CORIN: variants seen among roughly 807,000 people sequenced by gnomAD.
CORIN encodes the protein corin, serine peptidase, also known as atrial natriuretic peptide-converting enzyme.
In CORIN, 117 loss-of-function variants were observed where a neutral mutation model predicts 125.3. That is an observed-to-expected ratio of 0.93 (90% CI 0.80 to 1.09). The LOEUF (loss-of-function observed/expected upper bound fraction) is 1.09. Ranked by LOEUF, CORIN falls within the 50% of genes least tolerant of loss-of-function variation. CORIN has a pLI of 0.00. For synonymous variants in CORIN, 450 were observed against 466.4 expected (o/e 0.96, Z 0.45); for missense variants, 1,253 against 1,306.7 (o/e 0.96, Z 0.63).
chr4:47,602,373 T>C (rs564113975), intron 20 of CORIN, among the ~76,000 whole-genome samples: 110 of 152,338 alleles, frequency 7.2e-4, no homozygotes, highest in African/African-American at 2.6e-3. Flanking sequence ...AGAGTACACA[T>C]TTTAAATTTC....
At chr4:47,688,480 T>C (rs968019700) in intron 6 of CORIN, among the ~76,000 whole-genome samples, 3 of 152,080 alleles carry the variant, frequency 2.0e-5, no homozygotes, top group African/African-American at 7.2e-5. Flanking sequence ...CTCACGCCTG[T>C]AGTTCCAGTT....
chr4:47,828,225 G>C (rs1015707762), intron 1 of CORIN, among the ~76,000 whole-genome samples: 1 of 152,122 alleles, frequency 6.6e-6, no homozygotes, highest in African/African-American at 2.4e-5. Context: ...TGAGTGATAA[G>C]AGTGATAAGA....
At chr4:47,757,232 T>C (rs979248261) in intron 4 of CORIN, among the ~76,000 whole-genome samples, 1 of 152,134 alleles carries the variant, frequency 6.6e-6, no homozygotes, top group Non-Finnish European at 1.5e-5. Flanking sequence ...AGCTTGCAGA[T>C]CCCACACATA....
At chr4:47,779,773 G>A (rs1321727759) in intron 3 of CORIN, among the ~76,000 whole-genome samples, 1 of 152,112 alleles carries the variant, frequency 6.6e-6, no homozygotes, top group Admixed American at 6.6e-5. Flanking sequence ...TAAAGCTAAT[G>A]AAAACATCTC....
chr4:47,646,266 A>G (rs1355675951), intron 13 of CORIN, among the ~76,000 whole-genome samples: 1 of 152,216 alleles, frequency 6.6e-6, no homozygotes, highest in Non-Finnish European at 1.5e-5. Context: ...TCTACAAATC[A>G]GGAGGCCATC....
intron 4 of CORIN, among the ~76,000 whole-genome samples, chr4:47,747,413 A>C (rs1218246619): frequency 6.6e-6 from 1 of 152,178 alleles, no homozygotes; most frequent in Non-Finnish European, 1.5e-5. Context: ...GAAGATGAGA[A>C]AGATGTCTGC....
chr4:47,661,731 A>G lies in CORIN; in HGVS notation c.1715T>C (p.Met572Thr), dbSNP rs774624780. Residue 572 changes from methionine to threonine, a missense_variant, in exon 12 of 22, where the codon ATG (methionine) becomes ACG (threonine). By Grantham distance (81) the Met-to-Thr change is moderately conservative. Transcript: ENST00000273857. ...TTAACCTTCCACATATTCATCAGGC[A>G]TCAGGCAGGTTTGATTGTCTGAATT... is the stretch of plus-strand genomic sequence containing the variant. Reference protein sequence around the residue: ...EENSDNQTCLMPDEYVEECSP... With the variant: ...EENSDNQTCLTPDEYVEECSP... 21 of 1,612,766 alleles carry G rather than the reference A, an allele frequency of 1.3e-5. No individual in the cohort carries two copies. Among genetic ancestry groups the G allele is most frequent in the Non-Finnish European group, 1.6e-5 (19 of 1,179,234 alleles).
intron 19 of CORIN, among the ~76,000 whole-genome samples, chr4:47,623,117 T>TATATATATATATACACAC (rs141525347): frequency 1.8e-3 from 248 of 134,292 alleles, no homozygotes; most frequent in East Asian, 0.018. Flanking sequence ...TATATATATA[T>TATATATATATATACACAC]ACACACACAC....
chr4:47,788,701 TAAAG>T (rs908104926), intron 2 of CORIN, among the ~76,000 whole-genome samples: 1 of 152,228 alleles, frequency 6.6e-6, no homozygotes, highest in South Asian at 2.1e-4. Context: ...ATTTTTGGCA[TAAAG>T]AGATTTTTTC....
At chr4:47,748,813 AC>A (rs1337169192) in intron 4 of CORIN, among the ~76,000 whole-genome samples, 1 of 152,140 alleles carries the variant, frequency 6.6e-6, no homozygotes, top group Non-Finnish European at 1.5e-5. Context: ...TTTTCTCTTA[AC>A]TTTTGATTTT....
intron 5 of CORIN, among the ~76,000 whole-genome samples, chr4:47,744,081 C>T (rs1258578115): frequency 6.6e-6 from 1 of 152,162 alleles, no homozygotes; most frequent in Non-Finnish European, 1.5e-5. Context: ...GAACATAATG[C>T]TGAGCAAAAG....
rs1187770163 is a variant in CORIN at position 47,683,506 on chromosome 4, C to T, written c.1021+225G>A. ...AACAACCTTTACCAGTCTTCCCATC[C>T]CACTTCTTAAACATTTTCTTAATAT... On this transcript the variant is annotated intron_variant, in intron 7 of 21. Coordinates refer to ENST00000273857, the MANE Select transcript of CORIN (RefSeq NM_006587.4). 3 of 406,184 alleles carry T rather than the reference C, an allele frequency of 7.4e-6. No individual in the cohort carries two copies. The Middle Eastern group carries it at 2.2e-3, about 292-fold the overall frequency. 25.2% of individuals were successfully genotyped at this position (406,184 alleles called of 1,614,324 possible).
At chr4:47,631,978 T>G (rs1722825216) in intron 16 of CORIN, among the ~76,000 whole-genome samples, 1 of 152,170 alleles carries the variant, frequency 6.6e-6, no homozygotes, top group Non-Finnish European at 1.5e-5. Flanking sequence ...CATCCTGACA[T>G]TATGAGAGGG....
chr4:47,706,759 T>G (rs1726585544), intron 5 of CORIN: 1 of 1,599,916 alleles, frequency 6.3e-7, no homozygotes, highest in South Asian at 1.1e-5. Flanking sequence ...CATACAAATT[T>G]TTTGAGGTTA....
rs2110007130 is a variant in CORIN at position 47,838,039 on chromosome 4, A to G, written c.-90T>C. 6.3e-7 allele frequency: 1 copy of G among 1,579,496 alleles called. No homozygotes were observed. Among genetic ancestry groups the G allele is most frequent in the Non-Finnish European group, 8.5e-7 (1 of 1,170,528 alleles). The stretch of plus-strand genomic sequence containing the variant: ...GTCCCCCGGGGAGGCACTACGGATG[A>G]TTTTCTCCAAGCTCAAGAGAGACAA... On this transcript the variant is annotated 5_prime_UTR_variant, in exon 1 of 22. Transcript: ENST00000273857.
At chr4:47,657,550 A>G (rs527704321) in intron 12 of CORIN, among the ~76,000 whole-genome samples, 45 of 151,766 alleles carry the variant, frequency 3.0e-4, no homozygotes, top group African/African-American at 8.2e-4. Context: ...AAAAAAAAAA[A>G]AAAGAAAAAG....
At position 47,828,884 on chromosome 4, in the gene CORIN, C is replaced by T. The variant is rs534835210; in HGVS notation, c.63+9003G>A. Among the ~76,000 whole-genome samples the T allele has an allele frequency of 5.9e-5, 9 of 152,022 alleles. No homozygotes were observed. The East Asian group carries it at 1.7e-3, about 29-fold the overall frequency. ...TTATGAAAAAAAAAGGTAGGCCCGG[C>T]GCGGTGGCTCATGCCTGTAATCTCA... On this transcript the variant is annotated intron_variant, in intron 1 of 21. Transcript: ENST00000273857.
chr4:47,674,417 G>T lies in CORIN; in HGVS notation c.1333C>A (p.Pro445Thr), dbSNP rs773089557. 6.2e-7 allele frequency: 1 copy of T among 1,613,242 alleles called. No homozygotes were observed. The highest frequency in any genetic ancestry group is 8.5e-7 in the Non-Finnish European group (1 of 1,179,224). The change falls in exon 10 of 22, where the codon CCG becomes ACG. Residue 445 changes from proline (P) to threonine (T), a missense_variant. Physicochemically the swap from Pro to Thr is conservative, Grantham distance 38. Coordinates refer to ENST00000273857, the MANE Select transcript of CORIN (RefSeq NM_006587.4). ...CTACAGTTATTCAGACTGTTGTTCG[G>T]GTCACAGAGAGAGCTACCACCACAT... ...DSCGGSSLCD[P>T]NNSLNNCSQC...
At chr4:47,639,014 A>G (rs752214276) in intron 16 of CORIN, among the ~76,000 whole-genome samples, 14 of 152,200 alleles carry the variant, frequency 9.2e-5, no homozygotes, top group Non-Finnish European at 2.1e-4. Flanking sequence ...TGCCTCTATC[A>G]TGAAAGCATT....
Sources: allele counts gnomAD v4.1 joint callset (sites outside exome capture counted in the v4.1 genomes callset), GRCh38; gene constraint gnomAD v4.1.1; transcripts MANE v1.5; gene names NCBI Gene and HGNC (gene_info 2026-07-23, HGNC 2026-07-21).